Variants in TRABD2B observed in about 807,000 individuals in gnomAD.
TRABD2B encodes the protein metalloprotease TIKI2.
In TRABD2B, 14 loss-of-function variants were observed where a neutral mutation model predicts 40.1. The ratio of observed to expected loss-of-function variants is 0.35; its 90% CI spans 0.23 to 0.55. The LOEUF (loss-of-function observed/expected upper bound fraction) is 0.55. Among genes scored for constraint, TRABD2B ranks in the 20% least tolerant of loss-of-function variants. The pLI is 0.90. For synonymous variants in TRABD2B, 263 were observed against 277.0 expected (o/e 0.95, Z 0.50); for missense variants, 541 against 648.6 (o/e 0.83, Z 1.80).
intron 2 of TRABD2B, among the ~76,000 whole-genome samples, chr1:47,954,981 G>T (rs1311039719): frequency 4.6e-5 from 7 of 152,028 alleles, no homozygotes. Flanking sequence ...TACTCCCTAG[G>T]GCCCAACTGC....
intron 2 of TRABD2B, among the ~76,000 whole-genome samples, chr1:47,806,733 G>A (rs1358266577): frequency 6.6e-6 from 1 of 152,194 alleles, no homozygotes; most frequent in Non-Finnish European, 1.5e-5. Context: ...GCGCCAGGAG[G>A]GTGGGAACAG....
At chr1:47,828,347 G>A (rs759534278) in intron 2 of TRABD2B, among the ~76,000 whole-genome samples, 22 of 152,048 alleles carry the variant, frequency 1.4e-4, no homozygotes, top group Non-Finnish European at 2.5e-4. Context: ...AGTCCCTGGC[G>A]TCCCCCTATG....
At chr1:47,981,029 GAC>G (rs1308562474) in intron 2 of TRABD2B, among the ~76,000 whole-genome samples, 2 of 148,528 alleles carry the variant, frequency 1.3e-5, no homozygotes, top group African/African-American at 2.5e-5. Context: ...CTTTTTTTTT[GAC>G]AGAGTCTTGC....
Position 47,956,655 on chromosome 1 carries a change from C to T in TRABD2B, c.666+37379G>A, listed in dbSNP as rs376684456. On this transcript the variant is annotated intron_variant, in intron 2 of 6. Coordinates refer to ENST00000606738, the MANE Select transcript of TRABD2B (RefSeq NM_001194986.2). ...AACTGCAAGGCGGCAGGGAGGCTGGCGGAGGGGCGCCCGCCATTGCTGAGG... is the reference window on the plus strand; with the variant it reads ...AACTGCAAGGCGGCAGGGAGGCTGGTGGAGGGGCGCCCGCCATTGCTGAGG... 1.1e-4 allele frequency among the ~76,000 whole-genome samples: 16 copies of T among 152,256 alleles called. No individual in the cohort carries two copies. The South Asian group carries it at 1.5e-3, about 14-fold the overall frequency.
rs549857912 is a variant in TRABD2B at position 47,983,151 on chromosome 1, T to C, written c.666+10883A>G. On this transcript the variant is annotated intron_variant, in intron 2 of 6. Coordinates refer to ENST00000606738, the MANE Select transcript of TRABD2B (RefSeq NM_001194986.2). ...CATGCCATGGAATACTAGGCAGCCA[T>C]AAAAAAGAATGAGATCATGTCTTTT... is the stretch of plus-strand genomic sequence containing the variant. Among the ~76,000 whole-genome samples the C allele has an allele frequency of 2.1e-3, 317 of 152,248 alleles. 3 individuals carry two copies. Among genetic ancestry groups the C allele is most frequent in the Non-Finnish European group, 2.8e-3 (192 of 68,012 alleles).
intron 2 of TRABD2B, among the ~76,000 whole-genome samples, chr1:47,943,903 C>T (rs1423267231): frequency 6.6e-6 from 1 of 152,126 alleles, no homozygotes; most frequent in Non-Finnish European, 1.5e-5. Context: ...CTACTGCCTG[C>T]CAGGCCCCAT....
chr1:47,795,099 G>C (rs945262882), intron 3 of TRABD2B, among the ~76,000 whole-genome samples: 1 of 152,178 alleles, frequency 6.6e-6, no homozygotes, highest in South Asian at 2.1e-4. Flanking sequence ...GAGCAAGGTG[G>C]ACTTAGGATA....
intron 2 of TRABD2B, among the ~76,000 whole-genome samples, chr1:47,890,706 G>A (rs1250364851): frequency 1.3e-5 from 2 of 152,178 alleles, no homozygotes; most frequent in East Asian, 3.9e-4. Flanking sequence ...AATCTCCTGA[G>A]CAAAGTTAGG....
chr1:47,930,594 G>C (rs1450684932), intron 2 of TRABD2B, among the ~76,000 whole-genome samples: 4 of 152,216 alleles, frequency 2.6e-5, no homozygotes, highest in Admixed American at 2.6e-4. Context: ...TGTGACAGGA[G>C]ACACACACAT....
intron 2 of TRABD2B, among the ~76,000 whole-genome samples, chr1:47,991,245 G>A (rs972498074): frequency 6.6e-6 from 1 of 152,102 alleles, no homozygotes; most frequent in Admixed American, 6.5e-5. Flanking sequence ...AAGCCATAGG[G>A]TTGTTATGAG....
chr1:47,775,528 G>C, intron 5 of TRABD2B, 89 bp from the exon 6 acceptor site: 2 of 1,201,936 alleles, frequency 1.7e-6, no homozygotes, highest in Middle Eastern at 2.2e-4. Flanking sequence ...GTGGGAGTTT[G>C]TCATGGCAGG....
chr1:47,901,338 T>C (rs1644596858), intron 2 of TRABD2B, among the ~76,000 whole-genome samples: 1 of 152,166 alleles, frequency 6.6e-6, no homozygotes, highest in South Asian at 2.1e-4. Flanking sequence ...AGAACAGCCA[T>C]CTCACAGAGG....
At chr1:47,873,192 C>T (rs777698186) in intron 2 of TRABD2B, among the ~76,000 whole-genome samples, 4 of 152,054 alleles carry the variant, frequency 2.6e-5, no homozygotes, top group Non-Finnish European at 5.9e-5. Flanking sequence ...TCCCAAAGGC[C>T]CCACCCTAAT....
chr1:47,875,574 C>T (rs1245136959), intron 2 of TRABD2B, among the ~76,000 whole-genome samples: 1 of 149,188 alleles, frequency 6.7e-6, no homozygotes, highest in South Asian at 2.1e-4. Context: ...GTGGTCCCAG[C>T]TACTCAGAAG....
chr1:47,971,141 T>C (rs947257792), intron 2 of TRABD2B, among the ~76,000 whole-genome samples: 5 of 152,334 alleles, frequency 3.3e-5, no homozygotes, highest in Middle Eastern at 3.4e-3. Flanking sequence ...GCTTGTATCA[T>C]AGGTACACAT....
chr1:47,790,582 C>T (rs1018165868), intron 4 of TRABD2B, among the ~76,000 whole-genome samples: 4 of 152,228 alleles, frequency 2.6e-5, no homozygotes, highest in African/African-American at 4.8e-5. Flanking sequence ...CTCGTTTCCA[C>T]AAAATCATCA....
At chr1:47,983,756 GAAA>G (rs67664418) in intron 2 of TRABD2B, among the ~76,000 whole-genome samples, 5 of 122,192 alleles carry the variant, frequency 4.1e-5, no homozygotes, top group African/African-American at 6.3e-5. Context: ...GGCAAAAAAA[GAAA>G]AAAAAAAAAA....
At chr1:47,876,100 C>T (rs1239807982) in intron 2 of TRABD2B, among the ~76,000 whole-genome samples, 1 of 152,212 alleles carries the variant, frequency 6.6e-6, no homozygotes, top group Non-Finnish European at 1.5e-5. Context: ...AAGGTCCACT[C>T]CACTACTCTA....
intron 2 of TRABD2B, among the ~76,000 whole-genome samples, chr1:47,848,021 C>G (rs1374422610): frequency 6.6e-6 from 1 of 152,198 alleles, no homozygotes; most frequent in Non-Finnish European, 1.5e-5. Context: ...AGAGACGTCT[C>G]TCTCCAGGCT....
Sources: gnomAD v4.1 joint callset for allele counts (sites outside exome capture counted in the v4.1 genomes callset) on GRCh38, gnomAD v4.1.1 for gene constraint, MANE v1.5 for transcripts, NCBI Gene and HGNC (gene_info 2026-07-23, HGNC 2026-07-21) for gene names.